COMMD7: variants seen among roughly 807,000 people sequenced by gnomAD.
COMMD7 encodes COMM domain-containing protein 7.
In COMMD7, 28 loss-of-function variants were observed where a neutral mutation model predicts 34.8. The observed-to-expected ratio is 0.80, with a 90% confidence interval of 0.60 to 1.10. The LOEUF is 1.10. Among genes scored for constraint, COMMD7 ranks in the 50% least tolerant of loss-of-function variants. The pLI, the probability that COMMD7 is intolerant of heterozygous loss-of-function variation, is 0.00. For missense variants in COMMD7, 211 were observed against 241.6 expected, an observed-to-expected ratio of 0.87 and a Z score of 0.84; for synonymous variants, 80 against 86.4, an observed-to-expected ratio of 0.93 and a Z score of 0.41.
At chr20:32,736,176 C>T (rs373102702) in intron 1 of COMMD7, among the ~76,000 whole-genome samples, 7 of 152,132 alleles carry the variant, frequency 4.6e-5, no homozygotes, top group South Asian at 2.1e-4. Flanking sequence ...AAACACCCAC[C>T]GAACGAGCAA....
intron 3 of COMMD7, among the ~76,000 whole-genome samples, chr20:32,707,793 G>A (rs1246248715): frequency 6.9e-6 from 1 of 145,942 alleles, no homozygotes; most frequent in African/African-American, 2.5e-5. Flanking sequence ...ATGTCAGGTT[G>A]GGCACAGGGG....
chr20:32,728,423 GACACAGACAC>G (rs1054401267), intron 1 of COMMD7, among the ~76,000 whole-genome samples: 6 of 135,826 alleles, frequency 4.4e-5, no homozygotes, highest in African/African-American at 1.7e-4. Flanking sequence ...ATATCTCTAG[GACACAGACAC>G]ACACAGACAG....
chr20:32,721,917 C>T (rs1417376098), intron 3 of COMMD7, among the ~76,000 whole-genome samples: 2 of 147,702 alleles, frequency 1.4e-5, no homozygotes, highest in Non-Finnish European at 3.0e-5. Context: ...AAAAATTAGC[C>T]GAGTGTGGTG....
In COMMD7 at chr20:32,709,091, C is replaced by T. The variant is rs541026590; in HGVS notation, c.242-2331G>A. The stretch of plus-strand genomic sequence containing the variant: ...CCCAACCAAGCTGCACCCAAAAGCA[C>T]GCTGAGATATACAGGGGAAGCTCTT... On this transcript the variant is annotated intron_variant, in intron 3 of 8. Coordinates refer to ENST00000278980, the MANE Select transcript of COMMD7 (RefSeq NM_053041.3). 6.6e-5 allele frequency among the ~76,000 whole-genome samples: 10 copies of T among 152,216 alleles called. No homozygotes were observed. In the South Asian group the frequency reaches 8.3e-4, roughly 13 times the overall value.
At chr20:32,708,925 G>A (rs1243769909) in intron 3 of COMMD7, among the ~76,000 whole-genome samples, 1 of 151,932 alleles carries the variant, frequency 6.6e-6, no homozygotes, top group Non-Finnish European at 1.5e-5. Context: ...ACCCACCTTG[G>A]CCTCCCAAAG....
intron 1 of COMMD7, among the ~76,000 whole-genome samples, chr20:32,739,361 A>G (rs1032311976): frequency 2.0e-5 from 3 of 152,146 alleles, no homozygotes; most frequent in African/African-American, 7.2e-5. Flanking sequence ...GTTAACATAC[A>G]TAAGCTGGGC....
chr20:32,713,224 G>T (rs1268033453), intron 3 of COMMD7, among the ~76,000 whole-genome samples: 5 of 150,952 alleles, frequency 3.3e-5, no homozygotes, highest in Admixed American at 2.6e-4. Flanking sequence ...ATTTTTTTTT[G>T]TATTTAGTAG....
chr20:32,733,798 T>C (rs1393150073), intron 1 of COMMD7, among the ~76,000 whole-genome samples: 1 of 150,378 alleles, frequency 6.6e-6, no homozygotes, highest in Non-Finnish European at 1.5e-5. Context: ...GGCAGGAGAA[T>C]TGCTTGAACC....
chr20:32,721,975 C>T (rs1387359688), intron 3 of COMMD7, among the ~76,000 whole-genome samples: 10 of 150,286 alleles, frequency 6.7e-5, no homozygotes, highest in Non-Finnish European at 1.5e-4. Context: ...GCAGGAGAAT[C>T]GCTTGAACCC....
chr20:32,721,332 G>A (rs186137988), intron 3 of COMMD7, among the ~76,000 whole-genome samples: 253 of 152,234 alleles, frequency 1.7e-3, no homozygotes, highest in Non-Finnish European at 2.5e-3. Flanking sequence ...ATAATAGGCC[G>A]GGCACAGTGG....
rs2064937 is a variant in COMMD7 at position 32,728,060 on chromosome 20, C to T, written c.138+29G>A. ...CTAAGCATCTCAGGGAGCACGGACC[C>T]ACTCCCTAACACAGAATGTTTTATT... On this transcript the variant is annotated intron_variant, in intron 2 of 8. Transcript: ENST00000278980. 0.17 allele frequency: 275,039 copies of T among 1,610,420 alleles called. 25,883 individuals are homozygous for T. The highest frequency in any genetic ancestry group is 0.38 in the East Asian group (16,900 of 44,796).
Position 32,743,442 on chromosome 20 carries a change from C to G in COMMD7, c.-51G>C, listed in dbSNP as rs1316608536. The G allele has an allele frequency of 1.6e-6, 2 of 1,237,984 alleles. No homozygotes were observed. Among genetic ancestry groups the G allele is most frequent in the African/African-American group, 1.6e-5 (1 of 62,950 alleles). 76.7% of individuals were successfully genotyped at this position (1,237,984 alleles called of 1,614,324 possible). On this transcript the variant is annotated 5_prime_UTR_variant, in exon 1 of 9. Transcript: ENST00000278980. ...CCACCGCCGCCGCCGCCCTGCTCAG[C>G]TTCCTCCTCCGCTGCCGCTGCCACC...
intron 1 of COMMD7, chr20:32,742,403 C>T (rs1218776234): frequency 6.6e-6 from 1 of 152,040 alleles, no homozygotes; most frequent in Non-Finnish European, 1.5e-5. Context: ...GGGGCGCTAC[C>T]TCCTGGGAAG....
At chr20:32,725,446 T>TTTGG (rs1985450821) in intron 3 of COMMD7, among the ~76,000 whole-genome samples, 1 of 150,100 alleles carries the variant, frequency 6.7e-6, no homozygotes, top group African/African-American at 2.4e-5. Context: ...TTTTTTTTTT[T>TTTGG]GAGACGGAGT....
intron 3 of COMMD7, among the ~76,000 whole-genome samples, chr20:32,725,164 T>TCCC: frequency 6.6e-6 from 1 of 151,870 alleles, no homozygotes; most frequent in Admixed American, 6.6e-5. Context: ...GTCTATGGGA[T>TCCC]ATTATATCCA....
chr20:32,718,569 T>A (rs1984953940), intron 3 of COMMD7, among the ~76,000 whole-genome samples: 1 of 151,712 alleles, frequency 6.6e-6, no homozygotes, highest in African/African-American at 2.4e-5. Context: ...CGTGACGGCA[T>A]GGGCCTGTAA....
In COMMD7 at chr20:32,707,290, A is replaced by AT. The variant is rs1555822509; in HGVS notation, c.242-531_242-530insA. 1.9e-3 allele frequency among the ~76,000 whole-genome samples: 224 copies of AT among 119,800 alleles called. 2 individuals carry two copies. The Middle Eastern group carries it at 0.032, about 17-fold the overall frequency. The allele number at this position is 119,800 out of a possible 152,430, so 78.6% of individuals were successfully genotyped here. On this transcript the variant is annotated intron_variant, in intron 3 of 8. Transcript: ENST00000278980. Reference sequence around the variant, plus strand: ...CAGAGCGAGACTCCGTCTCAAAAAAAAAAAATATATATATATATACTTATC... The same window carrying AT: ...CAGAGCGAGACTCCGTCTCAAAAAAATAAAAATATATATATATATACTTATC...
chr20:32,712,953 C>T (rs1350612822), intron 3 of COMMD7, among the ~76,000 whole-genome samples: 4 of 151,636 alleles, frequency 2.6e-5, no homozygotes, highest in East Asian at 3.9e-4. Flanking sequence ...AGGATGGTCT[C>T]GATCTCCTGA....
At chr20:32,709,902 T>TTA (rs1555822946) in intron 3 of COMMD7, among the ~76,000 whole-genome samples, 1 of 151,612 alleles carries the variant, frequency 6.6e-6, no homozygotes, top group East Asian at 1.9e-4. Context: ...TTTTTTTTTT[T>TTA]TAATCTCATT....
Sources: allele counts gnomAD v4.1 joint callset (sites outside exome capture counted in the v4.1 genomes callset), GRCh38; gene constraint gnomAD v4.1.1; transcripts MANE v1.5; gene names NCBI Gene and HGNC (gene_info 2026-07-23, HGNC 2026-07-21).